Variants in PADI2 observed in about 807,000 individuals in gnomAD.
PADI2 encodes the protein peptidyl arginine deiminase 2.
PADI2 carries 70 observed loss-of-function variants against 81.1 expected under a neutral mutation model. The observed-to-expected ratio is 0.86, with a 90% CI of 0.71 to 1.05. The LOEUF is 1.05. PADI2 is among the 50% of genes least tolerant of loss of function. The pLI is 0.00. For synonymous variants in PADI2, 338 were observed against 358.0 expected, an observed-to-expected ratio of 0.94 and a Z score of 0.63; for missense variants, 853 against 889.9, an observed-to-expected ratio of 0.96 and a Z score of 0.53.
intron 7 of PADI2, 118 bp from the exon 8 acceptor site, chr1:17,084,820 G>T (rs1004574187): frequency 4.7e-6 from 3 of 641,930 alleles, no homozygotes; most frequent in East Asian, 5.8e-5. Context: ...GACTTGCTAT[G>T]CACCAAGCCT....
chr1:17,074,879 T>G lies in PADI2; in HGVS notation c.1526A>C (p.His509Pro). 6.2e-7 allele frequency: 1 copy of G among 1,612,640 alleles called. No individual in the cohort carries two copies. Among genetic ancestry groups the G allele is most frequent in the Non-Finnish European group, 8.5e-7 (1 of 1,179,218 alleles). ...ACCTTTGAACATGATGGCCTCTCCA[T>G]GGCCGTCCTTCTGCTTCTCTCGGAA... ...KLFREKQKDGHGEAIMFKGLG... is the reference protein window; with the variant it reads ...KLFREKQKDGPGEAIMFKGLG... Residue 509 changes from histidine (H) to proline (P), a missense_variant, in exon 13 of 16, where the codon CAT becomes CCT. By Grantham distance (77) the His-to-Pro change is moderately conservative. Transcript: ENST00000375486.
At chr1:17,069,326 A>C in intron 15 of PADI2, 49 bp from the exon 16 acceptor site, 1 of 1,381,526 alleles carries the variant, frequency 7.2e-7, no homozygotes. Context: ...GTGAGCACCT[A>C]GTACACACAT....
intron 2 of PADI2, among the ~76,000 whole-genome samples, chr1:17,104,324 T>G (rs1047283458): frequency 6.6e-6 from 1 of 151,756 alleles, no homozygotes; most frequent in Non-Finnish European, 1.5e-5. Context: ...AACAATTTTG[T>G]TAATATTTTT....
chr1:17,093,708 A>G, intron 4 of PADI2, 24 bp from the exon 5 acceptor site: 1 of 1,367,710 alleles, frequency 7.3e-7, no homozygotes, highest in South Asian at 1.2e-5. Context: ...AAGAAAGGTC[A>G]GTGCCCTCTT....
At chr1:17,102,244 A>T (rs1931168472) in intron 3 of PADI2, among the ~76,000 whole-genome samples, 1 of 152,242 alleles carries the variant, frequency 6.6e-6, no homozygotes, top group South Asian at 2.1e-4. Context: ...GAAATAAAAT[A>T]GCATAAAAGT....
Position 17,074,849 on chromosome 1 carries a change from C to T in PADI2, c.1549+7G>A, listed in dbSNP as rs1198089619. ...CCACTTCCTGTCAAGGCCCTGTGGC[C>T]ACTCACCTTTGAACATGATGGCCTC... is the stretch of plus-strand genomic sequence containing the variant. On this transcript the variant is annotated splice_region_variant and intron_variant, in intron 13 of 15. Transcript: ENST00000375486. 6 of 1,592,388 alleles carry T rather than the reference C, an allele frequency of 3.8e-6. No homozygotes were observed. The highest frequency in any genetic ancestry group is 5.2e-6 in the Non-Finnish European group (6 of 1,162,444).
chr1:17,075,729 C>G lies in PADI2; in HGVS notation c.1405G>C (p.Val469Leu), dbSNP rs1466074452. 2.5e-6 allele frequency: 4 copies of G among 1,613,966 alleles called. No homozygotes were observed. The highest frequency in any genetic ancestry group is 3.4e-6 in the Non-Finnish European group (4 of 1,179,998). Residue 469 changes from valine (V) to leucine (L), a missense_variant, in exon 12 of 16, where the codon GTG becomes CTG. Transcript: ENST00000375486. Reference protein sequence around the residue: ...PVELYSDWLTVGHVDEFMSFV... With the variant: ...PVELYSDWLTLGHVDEFMSFV... ...GACATGAACTCATCCACGTGGCCCA[C>G]AGTCAGCCAGTCTGAGTAGAGCTCC...
At chr1:17,093,543 C>T in intron 5 of PADI2, 24 bp downstream of exon 5, 1 of 1,442,148 alleles carries the variant, frequency 6.9e-7, no homozygotes, top group South Asian at 1.2e-5. Context: ...CATCCTGCCC[C>T]CCAAGTGCAG....
chr1:17,105,029 A>C lies in PADI2; in HGVS notation c.125T>G (p.Leu42Arg). 1 of 1,594,740 alleles carries C rather than the reference A, an allele frequency of 6.3e-7. No individual in the cohort carries two copies. The highest frequency in any genetic ancestry group is 8.6e-7 in the Non-Finnish European group (1 of 1,167,160). ...AAPAGAQTFS[L>R]KHSEHVWVEV... ...CACCCACACGTGTTCCGAGTGCTTC[A>C]GGCTGAAGGTTTGGGCCCCGGCTGG... The change falls in exon 2 of 16, where the codon CTG becomes CGG. Residue 42 changes from leucine (L) to arginine (R), a missense_variant. Leu to Arg is a moderately radical substitution (Grantham distance 102). Transcript: ENST00000375486.
intron 1 of PADI2, among the ~76,000 whole-genome samples, chr1:17,117,855 G>A (rs555432603): frequency 1.3e-5 from 2 of 152,322 alleles, no homozygotes; most frequent in East Asian, 3.9e-4. Flanking sequence ...GCTGGGGGTG[G>A]GGAAGGCAGG....
intron 8 of PADI2, among the ~76,000 whole-genome samples, 188 bp downstream of exon 8, chr1:17,084,411 G>C (rs114502528): frequency 1.7e-3 from 254 of 152,362 alleles, no homozygotes; most frequent in African/African-American, 5.9e-3. Context: ...TTGGATAAAT[G>C]CTTTGCCTGC....
At chr1:17,074,798 A>C in intron 13 of PADI2, 58 bp downstream of exon 13, 1 of 1,077,984 alleles carries the variant, frequency 9.3e-7, no homozygotes, top group Non-Finnish European at 1.4e-6. Context: ...CACCCTCCCG[A>C]GGGTCTCTCT....
intron 1 of PADI2, among the ~76,000 whole-genome samples, chr1:17,111,143 A>G (rs548640219): frequency 2.4e-4 from 33 of 134,736 alleles, no homozygotes; most frequent in African/African-American, 8.9e-4. Flanking sequence ...GCTGGAGTGC[A>G]GTGGCATGAT....
Position 17,068,969 on chromosome 1 carries a change from G to T in PADI2, c.*75C>A. Reference sequence around the variant, plus strand: ...CAGCGGGGCTGTCCAGTCCATGTCAGCAGAAGGCTCTGGGCGTGTGAGGGA... The same window carrying T: ...CAGCGGGGCTGTCCAGTCCATGTCATCAGAAGGCTCTGGGCGTGTGAGGGA... On this transcript the variant is annotated 3_prime_UTR_variant, in exon 16 of 16. Coordinates refer to ENST00000375486, the MANE Select transcript of PADI2 (RefSeq NM_007365.3). 3 of 1,160,592 alleles carry T rather than the reference G, an allele frequency of 2.6e-6. No homozygotes were observed. The highest frequency in any genetic ancestry group is 3.9e-6 in the Non-Finnish European group (3 of 769,984). 71.9% of individuals were successfully genotyped at this position (1,160,592 alleles called of 1,614,324 possible).
chr1:17,075,033 T>G, intron 12 of PADI2, 84 bp from the exon 13 acceptor site: 1 of 769,466 alleles, frequency 1.3e-6, no homozygotes, highest in Non-Finnish European at 2.2e-6. Context: ...GAGGACCCAG[T>G]GCCTTGCCTG....
chr1:17,098,642 A>G (rs1931030876), intron 3 of PADI2, among the ~76,000 whole-genome samples: 1 of 152,136 alleles, frequency 6.6e-6, no homozygotes, highest in Non-Finnish European at 1.5e-5. Context: ...AAATGTGGGC[A>G]TTTCACAGTG....
At position 17,109,379 on chromosome 1, in the gene PADI2, CTCTG is replaced by C. The variant is rs1359259669; in HGVS notation, c.93-4322_93-4319del. 2.8e-3 allele frequency among the ~76,000 whole-genome samples: 253 copies of C among 89,080 alleles called. 2 individuals are homozygous for C. Among genetic ancestry groups the C allele is most frequent in the African/African-American group, 0.012 (243 of 20,808 alleles). The allele number at this position is 89,080 out of a possible 152,430, so 58.4% of individuals were successfully genotyped here. A position where few individuals can be genotyped will look rare whatever the true frequency, so the allele number is the denominator to read the frequency against. Reference sequence around the variant, plus strand: ...CTCCAGCCTGGGTGACAGAGCGAGACTCTGTCTATTAAAAAAAAAAAAAAAAAAA... The same window carrying C: ...CTCCAGCCTGGGTGACAGAGCGAGACTCTATTAAAAAAAAAAAAAAAAAAA... On this transcript the variant is annotated intron_variant, in intron 1 of 15. Transcript: ENST00000375486.
chr1:17,074,324 G>A (rs1034414019), intron 13 of PADI2, among the ~76,000 whole-genome samples: 2 of 151,578 alleles, frequency 1.3e-5, no homozygotes, highest in African/African-American at 2.4e-5. Flanking sequence ...CCTGGGAGGC[G>A]GAGGTTGTAG....
At chr1:17,101,967 T>C (rs1300651432) in intron 3 of PADI2, among the ~76,000 whole-genome samples, 3 of 152,178 alleles carry the variant, frequency 2.0e-5, no homozygotes, top group Admixed American at 6.5e-5. Context: ...TGGCACACCA[T>C]AGGTGCTCAA....
Sources: allele counts gnomAD v4.1 joint callset (sites outside exome capture counted in the v4.1 genomes callset), GRCh38; gene constraint gnomAD v4.1.1; transcripts MANE v1.5; gene names NCBI Gene and HGNC (gene_info 2026-07-23, HGNC 2026-07-21).